The following KSR2 variants were observed in gnomAD, a reference collection of about 807,000 sequenced individuals.
KSR2 encodes the protein kinase suppressor of ras 2.
Under a neutral mutation model 107.8 loss-of-function variants are expected in KSR2, and 25 were observed. The ratio of observed to expected loss-of-function variants is 0.23; its 90% confidence interval spans 0.17 to 0.32. The LOEUF (loss-of-function observed/expected upper bound fraction) is 0.32, where lower values mean the gene tolerates loss of function less well. KSR2 is among the 10% of genes least tolerant of loss of function. The probability of loss-of-function intolerance (pLI) is 1.00; values close to 1 mark genes in which losing one functional copy is unlikely to be tolerated. For missense variants in KSR2, 887 were observed against 1,268.9 expected, an observed-to-expected ratio of 0.70 and a Z score of 4.57; for synonymous variants, 480 against 507.0, an observed-to-expected ratio of 0.95 and a Z score of 0.71.
intron 1 of KSR2, among the ~76,000 whole-genome samples, chr12:117,912,573 T>G (rs1010621383): frequency 2.0e-5 from 3 of 152,194 alleles, no homozygotes; most frequent in African/African-American, 7.2e-5. Flanking sequence ...CAAATAATCC[T>G]ATAAGATTAA....
At chr12:117,602,576 T>A (rs946180558) in intron 5 of KSR2, among the ~76,000 whole-genome samples, 1 of 152,258 alleles carries the variant, frequency 6.6e-6, no homozygotes, top group Non-Finnish European at 1.5e-5. Flanking sequence ...AGTACTTGAT[T>A]CCTTTTTATG....
chr12:117,722,719 C>T (rs1357065780), intron 4 of KSR2, among the ~76,000 whole-genome samples: 2 of 152,094 alleles, frequency 1.3e-5, no homozygotes, highest in Admixed American at 1.3e-4. Flanking sequence ...TATGGAGTAG[C>T]CATTCTTTCA....
intron 5 of KSR2, among the ~76,000 whole-genome samples, chr12:117,630,955 C>T (rs374177078): frequency 2.2e-4 from 34 of 152,224 alleles, no homozygotes; most frequent in Admixed American, 1.1e-3. Flanking sequence ...AGCCAATGAG[C>T]TCTGTGAGAA....
At chr12:117,754,867 G>A (rs2136841331) in intron 4 of KSR2, among the ~76,000 whole-genome samples, 1 of 152,312 alleles carries the variant, frequency 6.6e-6, no homozygotes, top group East Asian at 1.9e-4. Context: ...GGTATTGTGT[G>A]CTTGAAAAAT....
Position 117,476,345 on chromosome 12 carries a change from C to A in KSR2, c.2582+119G>T. 5 of 1,278,846 alleles carry A rather than the reference C, an allele frequency of 3.9e-6. No homozygotes were observed. In the South Asian group the frequency reaches 9.1e-5, roughly 23 times the overall value. The allele number at this position is 1,278,846 out of a possible 1,614,324, so 79.2% of individuals were successfully genotyped here. On this transcript the variant is annotated intron_variant, in intron 17 of 19. Coordinates refer to ENST00000339824, the MANE Select transcript of KSR2 (RefSeq NM_173598.6). ...GGTTCCTCCATTCTCACCCAAAAAT[C>A]CAGCCACTTTGGCCCTGTAGACAGG...
At chr12:117,932,646 CAGG>C (rs1566087788) in intron 1 of KSR2, among the ~76,000 whole-genome samples, 2 of 151,898 alleles carry the variant, frequency 1.3e-5, no homozygotes, top group African/African-American at 4.8e-5. Context: ...AACCTGAGCC[CAGG>C]AGGTCGAGGC....
chr12:117,662,544 C>A (rs1210246967), intron 5 of KSR2, among the ~76,000 whole-genome samples: 1 of 152,182 alleles, frequency 6.6e-6, no homozygotes, highest in Non-Finnish European at 1.5e-5. Flanking sequence ...GTCCCCAGGA[C>A]AAAGAGCAGG....
Position 117,761,472 on chromosome 12 carries a change from C to G in KSR2, c.525G>C (p.Thr175=). 3.1e-6 allele frequency: 5 copies of G among 1,613,224 alleles called. No individual in the cohort carries two copies. Among genetic ancestry groups the G allele is most frequent in the Non-Finnish European group, 3.4e-6 (4 of 1,179,662 alleles). The change falls in exon 4 of 20, where the codon ACG becomes ACC. Residue 175 remains threonine (T), a synonymous_variant. Transcript: ENST00000339824. ...DWTIQWPTTE[T]GKENNPVCPP... ...GGCACACGGGATTGTTCTCCTTCCC[C>G]GTCTCTGTCGTGGGCCACTGGATGG...
At chr12:117,484,736 A>G (rs987691421) in intron 15 of KSR2, among the ~76,000 whole-genome samples, 187 bp from the exon 16 acceptor site, 3 of 152,186 alleles carry the variant, frequency 2.0e-5, no homozygotes, top group East Asian at 1.9e-4. Flanking sequence ...GCAAGCGGGA[A>G]CAGGCAGGGC....
rs1249509036 is a variant in KSR2, at chr12:117,631,372, G to C, written c.1171+36102C>G. Among the ~76,000 whole-genome samples, 5 of 152,182 alleles carry C rather than the reference G, an allele frequency of 3.3e-5. No homozygotes were observed. In the East Asian group the frequency reaches 9.6e-4, roughly 29 times the overall value. ...TGGCTGAGTCGGGAGCTGCTAGAGA[G>C]ATGCAATTTTAAAACAGCAAGCCTA... On this transcript the variant is annotated intron_variant, in intron 5 of 19. Transcript: ENST00000339824.
At chr12:117,901,312 T>C (rs934228741) in intron 1 of KSR2, among the ~76,000 whole-genome samples, 5 of 151,888 alleles carry the variant, frequency 3.3e-5, no homozygotes, top group African/African-American at 4.8e-5. Context: ...TTTTTTCTTT[T>C]TTTTTTTTGA....
chr12:117,751,785 A>G (rs929952839), intron 4 of KSR2, among the ~76,000 whole-genome samples: 6 of 152,202 alleles, frequency 3.9e-5, no homozygotes, highest in Admixed American at 2.0e-4. Flanking sequence ...GAGGATCCAC[A>G]GAAGAGATGC....
At position 117,465,566 on chromosome 12, in the gene KSR2, T is replaced by C. The variant is rs887201522; in HGVS notation, c.*1633A>G. ...GAACCAGTCTGGGAGTCACCCAAGG[T>C]GGGGAAGAGATCCTCATAGGTCTAT... On this transcript the variant is annotated 3_prime_UTR_variant, in exon 20 of 20. Transcript: ENST00000339824. The C allele has an allele frequency of 5.9e-5, 9 of 152,078 alleles. No homozygotes were observed. The highest frequency in any genetic ancestry group is 1.9e-4 in the African/African-American group (8 of 41,414). 9.4% of individuals were successfully genotyped at this position (152,078 alleles called of 1,614,324 possible).
chr12:117,609,048 C>T (rs1881449693), intron 5 of KSR2, among the ~76,000 whole-genome samples: 1 of 152,118 alleles, frequency 6.6e-6, no homozygotes, highest in Non-Finnish European at 1.5e-5. Context: ...ACCACATCTC[C>T]ACTTCTCACC....
rs578020988 is a variant in KSR2, at chr12:117,556,322, C to A, written c.1394-1029G>T. ...AATCAGCCTCTAGCAAAACCCTCTA[C>A]GGAGGAGAATTTGGTGGGAGGCAAT... On this transcript the variant is annotated intron_variant, in intron 8 of 19. Coordinates refer to ENST00000339824, the MANE Select transcript of KSR2 (RefSeq NM_173598.6). Among the ~76,000 whole-genome samples the A allele has an allele frequency of 7.6e-4, 115 of 152,234 alleles. 2 individuals carry two copies. In the South Asian group the frequency reaches 9.8e-3, roughly 13 times the overall value.
intron 3 of KSR2, among the ~76,000 whole-genome samples, chr12:117,784,608 C>T (rs1040930680): frequency 7.9e-5 from 12 of 152,180 alleles, no homozygotes; most frequent in African/African-American, 2.9e-4. Context: ...TTTGCATCAT[C>T]TTTAAGTCCA....
chr12:117,513,281 T>C (rs576072766), intron 14 of KSR2, among the ~76,000 whole-genome samples: 1 of 152,362 alleles, frequency 6.6e-6, no homozygotes, highest in Admixed American at 6.5e-5. Context: ...CAATCAATCC[T>C]GATATACTCC....
At chr12:117,677,981 C>T (rs1057183465) in intron 4 of KSR2, among the ~76,000 whole-genome samples, 8 of 152,166 alleles carry the variant, frequency 5.3e-5, no homozygotes, top group African/African-American at 1.9e-4. Context: ...GTTGACCAGG[C>T]TGCAGGGCAG....
intron 3 of KSR2, among the ~76,000 whole-genome samples, chr12:117,799,425 C>T (rs910272766): frequency 6.0e-5 from 9 of 151,232 alleles, no homozygotes; most frequent in Non-Finnish European, 8.8e-5. Flanking sequence ...TAGCTTGAAC[C>T]GGGAGGCAGA....
Sources: gnomAD v4.1 joint callset for allele counts (sites outside exome capture counted in the v4.1 genomes callset) on GRCh38, gnomAD v4.1.1 for gene constraint, MANE v1.5 for transcripts, NCBI Gene and HGNC (gene_info 2026-07-23, HGNC 2026-07-21) for gene names.